Variants in UBL3 observed in about 807,000 individuals in gnomAD.
The protein encoded by UBL3 is ubiquitin like 3.
A neutral mutation model predicts 18.4 loss-of-function variants in UBL3; 6 were observed. That is an observed-to-expected ratio of 0.33 (90% confidence interval 0.18 to 0.64). The LOEUF (loss-of-function observed/expected upper bound fraction) is 0.64, where lower values mean the gene tolerates loss of function less well. UBL3 is among the 30% of genes least tolerant of loss of function. The pLI is 0.76. For synonymous variants in UBL3, 49 were observed against 46.6 expected, an observed-to-expected ratio of 1.05 and a Z score of -0.21; for missense variants, 109 against 142.9, an observed-to-expected ratio of 0.76 and a Z score of 1.21.
At chr13:29,820,873 T>C (rs1361258317) in intron 1 of UBL3, among the ~76,000 whole-genome samples, 1 of 152,192 alleles carries the variant, frequency 6.6e-6, no homozygotes, top group Non-Finnish European at 1.5e-5. Context: ...CTAATATATA[T>C]AGTATTTAAT....
At position 29,767,237 on chromosome 13, in the gene UBL3, A is replaced by C; in HGVS notation, c.*18T>G. On this transcript the variant is annotated 3_prime_UTR_variant, in exon 5 of 5. Coordinates refer to ENST00000380680, the MANE Select transcript of UBL3 (RefSeq NM_007106.4). ...TGAAAGACAAAGACTATATCACATC[A>C]CACTAGGCAGACAGTGTTTACAGGA... is the stretch of plus-strand genomic sequence containing the variant. 1.2e-6 allele frequency: 2 copies of C among 1,612,714 alleles called. No homozygotes were observed. The highest frequency in any genetic ancestry group is 1.7e-6 in the Non-Finnish European group (2 of 1,179,006).
intron 1 of UBL3, among the ~76,000 whole-genome samples, chr13:29,800,707 C>T (rs1032501251): frequency 1.3e-4 from 20 of 152,160 alleles, no homozygotes; most frequent in Non-Finnish European, 7.3e-5. Context: ...GTCAACCTTT[C>T]GGCAGGATAG....
rs1407642169 is a variant in UBL3, at chr13:29,793,165, GA to G, written c.28-15903del. ...GTAAAGCGCAAATTAAAATTGAAAG[GA>G]AAAATTTTAAAAAGAAACAGCTAAG... On this transcript the variant is annotated intron_variant, in intron 1 of 4. Coordinates refer to ENST00000380680, the MANE Select transcript of UBL3 (RefSeq NM_007106.4). Among the ~76,000 whole-genome samples, 98 of 152,230 alleles carry G rather than the reference GA, an allele frequency of 6.4e-4. 2 individuals carry two copies. The highest frequency in any genetic ancestry group is 3.4e-3 in the Middle Eastern group (1 of 294).
chr13:29,777,728 C>T (rs1371684714), intron 1 of UBL3, among the ~76,000 whole-genome samples: 1 of 151,890 alleles, frequency 6.6e-6, no homozygotes, highest in Non-Finnish European at 1.5e-5. Flanking sequence ...AAGTTTTTTT[C>T]CTATGAAAAT....
chr13:29,815,302 G>C (rs35083259), intron 1 of UBL3, among the ~76,000 whole-genome samples: 1 of 151,920 alleles, frequency 6.6e-6, no homozygotes, highest in African/African-American at 2.4e-5. Flanking sequence ...ATGGGTGTGT[G>C]GGGGGGAGAA....
chr13:29,835,114 A>C (rs1368786693), intron 1 of UBL3, among the ~76,000 whole-genome samples: 6 of 30,466 alleles, frequency 2.0e-4, no homozygotes, highest in African/African-American at 1.3e-3. Context: ...ATAAATATAT[A>C]TATATATATA....
At chr13:29,774,396 C>T (rs1876925708) in intron 2 of UBL3, among the ~76,000 whole-genome samples, 1 of 151,832 alleles carries the variant, frequency 6.6e-6, no homozygotes, top group South Asian at 2.1e-4. Flanking sequence ...CTTACTATGA[C>T]CGCTCCCCCC....
At position 29,823,499 on chromosome 13, in the gene UBL3, G is replaced by A. The variant is rs529305743; in HGVS notation, c.27+26013C>T. Among the ~76,000 whole-genome samples the A allele has an allele frequency of 4.6e-5, 7 of 152,258 alleles. No homozygotes were observed. The East Asian group carries it at 1.4e-3, about 29-fold the overall frequency. The stretch of plus-strand genomic sequence containing the variant: ...AAATAAATACAGTATGGCCAAGAAA[G>A]GACAAATTGGGACAAGATACATAAA... On this transcript the variant is annotated intron_variant, in intron 1 of 4. Coordinates refer to ENST00000380680, the MANE Select transcript of UBL3 (RefSeq NM_007106.4).
chr13:29,775,553 A>C lies in UBL3; in HGVS notation c.136+1602T>G, dbSNP rs150914937. On this transcript the variant is annotated intron_variant, in intron 2 of 4. Transcript: ENST00000380680. ...AAATCATATCACTATGATACATGAC[A>C]TAAGGATCAAGATGACACTGGGGAA... Among the ~76,000 whole-genome samples, 353 of 152,368 alleles carry C rather than the reference A, an allele frequency of 2.3e-3. 2 individuals carry two copies. Among genetic ancestry groups the C allele is most frequent in the African/African-American group, 8.2e-3 (343 of 41,592 alleles).
At chr13:29,821,733 T>C (rs1373992658) in intron 1 of UBL3, among the ~76,000 whole-genome samples, 4 of 152,218 alleles carry the variant, frequency 2.6e-5, no homozygotes. Context: ...TACGAGACCA[T>C]ATGAAAATTT....
rs368486561 is a variant in UBL3, at chr13:29,841,687, T to G, written c.27+7825A>C. Among the ~76,000 whole-genome samples the G allele has an allele frequency of 3.3e-5, 5 of 152,322 alleles. No individual in the cohort carries two copies. In the South Asian group the frequency reaches 6.2e-4, roughly 19 times the overall value. ...TGTGCCTGAGGGATTCAGTAATGTT[T>G]GCTCAGTTACCGTTGTGGGGAGGGG... is the stretch of plus-strand genomic sequence containing the variant. On this transcript the variant is annotated intron_variant, in intron 1 of 4. Transcript: ENST00000380680.
At chr13:29,773,551 A>C (rs927502743) in intron 2 of UBL3, among the ~76,000 whole-genome samples, 4 of 152,208 alleles carry the variant, frequency 2.6e-5, no homozygotes, top group African/African-American at 9.7e-5. Flanking sequence ...AATTCACAGG[A>C]AACAAAGACT....
At chr13:29,776,243 CT>C (rs1486565685) in intron 2 of UBL3, among the ~76,000 whole-genome samples, 40 of 127,014 alleles carry the variant, frequency 3.1e-4, no homozygotes, top group African/African-American at 1.1e-3. Context: ...GTTTTTTTTT[CT>C]TTTTTTTCTT....
chr13:29,824,453 T>C (rs1173438831), intron 1 of UBL3, among the ~76,000 whole-genome samples: 1 of 152,244 alleles, frequency 6.6e-6, no homozygotes, highest in Non-Finnish European at 1.5e-5. Flanking sequence ...ATTTCTCTGA[T>C]GGCCAGTGAT....
At chr13:29,844,780 T>C (rs1224842255) in intron 1 of UBL3, among the ~76,000 whole-genome samples, 1 of 152,186 alleles carries the variant, frequency 6.6e-6, no homozygotes, top group East Asian at 1.9e-4. Context: ...TTTAATGTTC[T>C]ATATTGTGAA....
intron 1 of UBL3, among the ~76,000 whole-genome samples, chr13:29,805,916 C>T (rs1033055117): frequency 4.6e-5 from 7 of 152,172 alleles, no homozygotes; most frequent in Non-Finnish European, 7.3e-5. Context: ...GTGGCTCATG[C>T]CTGTAATCCC....
intron 1 of UBL3, among the ~76,000 whole-genome samples, chr13:29,839,992 C>T (rs1387070004): frequency 6.7e-6 from 1 of 148,164 alleles, no homozygotes; most frequent in Non-Finnish European, 1.5e-5. Flanking sequence ...GACTTAAGTA[C>T]TCATCTCAAA....
chr13:29,772,512 C>A (rs932746909), intron 2 of UBL3, among the ~76,000 whole-genome samples: 1 of 151,976 alleles, frequency 6.6e-6, no homozygotes, highest in Admixed American at 6.6e-5. Flanking sequence ...AAAGAAATAT[C>A]ATTTTAAAAT....
At chr13:29,835,161 T>TATATATATAA (rs1878924981) in intron 1 of UBL3, among the ~76,000 whole-genome samples, 2 of 54,304 alleles carry the variant, frequency 3.7e-5, no homozygotes, top group Non-Finnish European at 6.6e-5. Flanking sequence ...TATATATATA[T>TATATATATAA]ATATATATAT....
Sources: allele counts gnomAD v4.1 joint callset (sites outside exome capture counted in the v4.1 genomes callset), GRCh38; gene constraint gnomAD v4.1.1; transcripts MANE v1.5; gene names NCBI Gene and HGNC (gene_info 2026-07-23, HGNC 2026-07-21).